Variants in SLC39A6 observed in about 807,000 individuals in gnomAD.
SLC39A6 encodes solute carrier family 39 member 6.
In SLC39A6, 51 loss-of-function variants were observed where a neutral mutation model predicts 63.5. The ratio of observed to expected loss-of-function variants is 0.80; its 90% confidence interval spans 0.64 to 1.01. The LOEUF is 1.01. Among genes scored for constraint, SLC39A6 ranks in the 50% least tolerant of loss-of-function variants. The probability of loss-of-function intolerance (pLI) is 0.00; values close to 1 mark genes in which losing one functional copy is unlikely to be tolerated. For missense variants in SLC39A6, 805 were observed against 927.8 expected (o/e 0.87, Z 1.72); for synonymous variants, 318 against 324.7 (o/e 0.98, Z 0.22).
rs1567958386 is a variant in SLC39A6 at position 36,116,692 on chromosome 18, TCTC to T, written c.1444_1446del (p.Glu482del). The stretch of plus-strand genomic sequence containing the variant: ...AACTTACGATCATCTGTATCTACTT[TCTC>T]CTCATTTGTTGAAAGTTGAGATTCA... On this transcript the variant is annotated inframe_deletion, in exon 6 of 10. Transcript: ENST00000269187. The T allele has an allele frequency of 5.0e-6, 8 of 1,610,662 alleles. No homozygotes were observed. The East Asian group carries it at 1.3e-4, about 27-fold the overall frequency.
chr18:36,116,848 AC>A, intron 5 of SLC39A6, 69 bp from the exon 6 acceptor site: 1 of 1,108,612 alleles, frequency 9.0e-7, no homozygotes, highest in Non-Finnish European at 1.3e-6. Context: ...TCAATCAATA[AC>A]CAGGTAAGCA....
chr18:36,118,898 G>A (rs1164166414), intron 5 of SLC39A6, among the ~76,000 whole-genome samples: 1 of 152,186 alleles, frequency 6.6e-6, no homozygotes, highest in Non-Finnish European at 1.5e-5. Context: ...ATGACAGCAA[G>A]AAAGATGGAG....
At chr18:36,110,943 T>C (rs886505671) in intron 9 of SLC39A6, 116 bp downstream of exon 9, 22 of 1,472,864 alleles carry the variant, frequency 1.5e-5, no homozygotes, top group South Asian at 2.8e-5. Context: ...CTGGACGACA[T>C]AGCAAGATTC....
chr18:36,126,697 T>C lies in SLC39A6; in HGVS notation c.311A>G (p.His104Arg), dbSNP rs537376119. 3.1e-6 allele frequency: 5 copies of C among 1,613,270 alleles called. No homozygotes were observed. In the African/African-American group the frequency reaches 5.3e-5, roughly 17 times the overall value. Residue 104 changes from histidine to arginine, a missense_variant, in exon 2 of 10, where the codon CAT becomes CGT. By Grantham distance (29) the His-to-Arg change is conservative. Coordinates refer to ENST00000269187, the MANE Select transcript of SLC39A6 (RefSeq NM_012319.4). Reference sequence around the variant, plus strand: ...TGAGTGACGCTCATGGTCTGAGTGATGCTCGTGGTCTGAGTGATGGTCGTG... The same window carrying C: ...TGAGTGACGCTCATGGTCTGAGTGACGCTCGTGGTCTGAGTGATGGTCGTG... ...HDHDHHSDHE[H>R]HSDHERHSDH...
chr18:36,116,812 C>T (rs368392991), intron 5 of SLC39A6, 33 bp from the exon 6 acceptor site: 24 of 1,464,312 alleles, frequency 1.6e-5, no homozygotes, highest in African/African-American at 2.8e-5. Flanking sequence ...TACTTTAAAA[C>T]AGTAATTTGT....
intron 5 of SLC39A6, among the ~76,000 whole-genome samples, chr18:36,118,320 C>T (rs2089364633): frequency 6.6e-6 from 1 of 152,156 alleles, no homozygotes; most frequent in South Asian, 2.1e-4. Flanking sequence ...TTACTATCCA[C>T]AGGGAGAGGG....
At chr18:36,110,423 G>T (rs1363228673) in intron 9 of SLC39A6, among the ~76,000 whole-genome samples, 2 of 140,008 alleles carry the variant, frequency 1.4e-5, no homozygotes, top group Non-Finnish European at 3.1e-5. Flanking sequence ...AGATAAAGGT[G>T]TGATCAACAA....
At chr18:36,126,166 G>C in intron 2 of SLC39A6, 53 bp downstream of exon 2, 4 of 1,473,396 alleles carry the variant, frequency 2.7e-6, no homozygotes, top group Non-Finnish European at 3.7e-6. Context: ...TAGAGTAGCA[G>C]AGACAGGACA....
In SLC39A6 at chr18:36,126,412, G is replaced by A. The variant is rs1220404038; in HGVS notation, c.596C>T (p.Thr199Ile). ...STVYNTVSEG[T>I]HFLETIETPR... ...AGTCTCTATTGTCTCTAGAAAGTGA[G>A]TTCCTTCAGAGACAGTGTTGTACAC... Residue 199 changes from threonine (T) to isoleucine (I), a missense_variant, in exon 2 of 10, where the codon ACT (threonine) becomes ATT (isoleucine). Physicochemically the swap from Thr to Ile is moderately conservative, Grantham distance 89. This residue lies in a region of SLC39A6 where 639 missense variants were observed against 644.0 expected (regional missense o/e 0.99). Transcript: ENST00000269187. 1.2e-6 allele frequency: 2 copies of A among 1,614,244 alleles called. No homozygotes were observed. The highest frequency in any genetic ancestry group is 4.5e-5 in the East Asian group (2 of 44,892).
Position 36,117,979 on chromosome 18 carries a change from A to C in SLC39A6, c.1360-1200T>G, listed in dbSNP as rs570492408. On this transcript the variant is annotated intron_variant, in intron 5 of 9. Transcript: ENST00000269187. ...CTGGGAGGCGGAGCTTGCAGTGAGC[A>C]GAGATCGCGCCACTGCACTCCAGCC... is the stretch of plus-strand genomic sequence containing the variant. 2.4e-3 allele frequency among the ~76,000 whole-genome samples: 371 copies of C among 151,506 alleles called. 2 individuals carry two copies. Among genetic ancestry groups the C allele is most frequent in the African/African-American group, 8.7e-3 (359 of 41,330 alleles).
intron 6 of SLC39A6, among the ~76,000 whole-genome samples, chr18:36,115,295 A>T (rs1402224070): frequency 6.6e-6 from 1 of 151,290 alleles, no homozygotes; most frequent in Admixed American, 6.6e-5. Context: ...CAAAAAAAAT[A>T]GCCAGGCATG....
chr18:36,126,541 T>G lies in SLC39A6; in HGVS notation c.467A>C (p.Lys156Thr). The G allele has an allele frequency of 1.2e-6, 2 of 1,614,228 alleles. No homozygotes were observed. The highest frequency in any genetic ancestry group is 3.3e-5 in the Admixed American group (2 of 60,032). The change falls in exon 2 of 10, where the codon AAA becomes ACA. Residue 156 changes from lysine to threonine, a missense_variant. By Grantham distance (78) the Lys-to-Thr change is moderately conservative. Transcript: ENST00000269187. Reference protein sequence around the residue: ...CPDHDSDSSGKDPRNSQGKGA... With the variant: ...CPDHDSDSSGTDPRNSQGKGA... Reference sequence around the variant, plus strand: ...TTTCCCCTGGCTGTTTCTAGGATCTTTACCTGAACTATCTGAGTCATGGTC... The same window carrying G: ...TTTCCCCTGGCTGTTTCTAGGATCTGTACCTGAACTATCTGAGTCATGGTC...
chr18:36,122,434 G>T (rs2089402236), intron 4 of SLC39A6, among the ~76,000 whole-genome samples, 164 bp from the exon 5 acceptor site: 2 of 152,146 alleles, frequency 1.3e-5, no homozygotes, highest in Admixed American at 1.3e-4. Flanking sequence ...TGACCAATGA[G>T]CAGCTAGCTA....
chr18:36,127,892 C>A (rs775895533), intron 1 of SLC39A6, among the ~76,000 whole-genome samples: 1 of 151,204 alleles, frequency 6.6e-6, no homozygotes, highest in Non-Finnish European at 1.5e-5. Flanking sequence ...GGATTACAGG[C>A]GTGACCACTA....
chr18:36,120,011 AAAG>A (rs1236779745), intron 5 of SLC39A6, among the ~76,000 whole-genome samples: 1 of 152,216 alleles, frequency 6.6e-6, no homozygotes, highest in Non-Finnish European at 1.5e-5. Flanking sequence ...ACAGTTAAAA[AAAG>A]AAGAAAACAA....
At chr18:36,120,043 C>T (rs998198853) in intron 5 of SLC39A6, among the ~76,000 whole-genome samples, 1 of 151,984 alleles carries the variant, frequency 6.6e-6, no homozygotes, top group Non-Finnish European at 1.5e-5. Context: ...CCAAGTCTCC[C>T]AGAATGAAAA....
In SLC39A6 at chr18:36,109,505, G is replaced by T; in HGVS notation, c.*88C>A. ...ATCACAAAACCCACTAACTTTAAAC[G>T]CTGCATAGTACAGCATACAAACTCA... On this transcript the variant is annotated 3_prime_UTR_variant, in exon 10 of 10. Coordinates refer to ENST00000269187, the MANE Select transcript of SLC39A6 (RefSeq NM_012319.4). 2.1e-6 allele frequency: 2 copies of T among 971,542 alleles called. No homozygotes were observed. The highest frequency in any genetic ancestry group is 3.0e-6 in the Non-Finnish European group (2 of 665,404). The allele number at this position is 971,542 out of a possible 1,614,324, so 60.2% of individuals were successfully genotyped here. A position where few individuals can be genotyped will look rare whatever the true frequency, so the allele number is the denominator to read the frequency against.
In SLC39A6 at chr18:36,129,242, T is replaced by G; in HGVS notation, c.-138A>C. On this transcript the variant is annotated 5_prime_UTR_variant, in exon 1 of 10. Coordinates refer to ENST00000269187, the MANE Select transcript of SLC39A6 (RefSeq NM_012319.4). ...ATCTCTACCAGGCGCGAACACGCGG[T>G]GGTTTCATTGGGTTGGCTGCCCCTC... 6.5e-6 allele frequency: 1 copy of G among 154,772 alleles called. No homozygotes were observed. The highest frequency in any genetic ancestry group is 1.4e-5 in the Non-Finnish European group (1 of 69,594). The allele number at this position is 154,772 out of a possible 1,614,324, so 9.6% of individuals were successfully genotyped here. A position where few individuals can be genotyped will look rare whatever the true frequency, so the allele number is the denominator to read the frequency against.
chr18:36,122,831 G>T (rs1055486290), intron 4 of SLC39A6, among the ~76,000 whole-genome samples: 3 of 152,198 alleles, frequency 2.0e-5, no homozygotes, highest in Non-Finnish European at 4.4e-5. Context: ...CTATCAGTAG[G>T]TATTCCCGAA....
Sources: gnomAD v4.1 joint callset for allele counts (sites outside exome capture counted in the v4.1 genomes callset) on GRCh38, gnomAD v4.1.1 for gene constraint, gnomAD v4.1.1 regional missense constraint, MANE v1.5 for transcripts, NCBI Gene and HGNC (gene_info 2026-07-23, HGNC 2026-07-21) for gene names.